DMD: variants seen among roughly 807,000 people sequenced by gnomAD.
The protein encoded by DMD is mutant dystrophin.
DMD carries 63 observed loss-of-function variants against 330.1 expected under a neutral mutation model. The ratio of observed to expected loss-of-function variants is 0.19; its 90% CI spans 0.16 to 0.24. The LOEUF (loss-of-function observed/expected upper bound fraction) is 0.24, where lower values mean the gene tolerates loss of function less well. DMD is among the 10% of genes least tolerant of loss of function. The pLI is 1.00. For synonymous variants in DMD, 1,223 were observed against 959.8 expected (o/e 1.27, Z -5.07); for missense variants, 3,344 against 2,684.1 (o/e 1.25, Z -5.43).
intron 9 of DMD, among the ~76,000 whole-genome samples, chrX:32,686,433 C>T (rs1015656728): frequency 4.6e-5 from 5 of 108,762 alleles, no homozygotes; most frequent in Non-Finnish European, 9.5e-5. Flanking sequence ...GTGGCAGGCA[C>T]CTGTAATACC....
intron 2 of DMD, among the ~76,000 whole-genome samples, chrX:32,922,590 C>T (rs2088536825): frequency 8.9e-6 from 1 of 112,083 alleles, no homozygotes; most frequent in Non-Finnish European, 1.9e-5. Context: ...AACCTAGATC[C>T]CTCGCATGCG....
At chrX:32,577,574 G>A (rs916734516) in intron 13 of DMD, among the ~76,000 whole-genome samples, 6 of 112,091 alleles carry the variant, frequency 5.4e-5, no homozygotes, top group Non-Finnish European at 9.4e-5. Flanking sequence ...CTTGATCATG[G>A]TTCTTACATC....
chrX:31,999,938 C>T (rs1277669309), intron 44 of DMD, among the ~76,000 whole-genome samples: 1 of 112,207 alleles, frequency 8.9e-6, no homozygotes, highest in Non-Finnish European at 1.9e-5. Flanking sequence ...TTCCTATTAG[C>T]TGCAAATTCT....
At chrX:32,204,959 T>A (rs764001533) in intron 44 of DMD, among the ~76,000 whole-genome samples, 1 of 84,958 alleles carries the variant, frequency 1.2e-5, no homozygotes, top group East Asian at 3.7e-4. Context: ...GATTCGGAGG[T>A]GATAAACATC....
At chrX:31,434,877 A>G (rs1030939049) in intron 60 of DMD, among the ~76,000 whole-genome samples, 4 of 112,017 alleles carry the variant, frequency 3.6e-5, no homozygotes, top group African/African-American at 1.3e-4. Flanking sequence ...TCAACTCATG[A>G]TCCAGGTGAT....
chrX:32,501,665 T>C lies in DMD; in HGVS notation c.2380+90A>G. ...TTAATTTAAATTTGTATTTAACAAGTGCTTGTCTGATATAATTCAGCTGAT... is the reference window on the plus strand; with the variant it reads ...TTAATTTAAATTTGTATTTAACAAGCGCTTGTCTGATATAATTCAGCTGAT... On this transcript the variant is annotated intron_variant, in intron 19 of 78. Transcript: ENST00000357033. 4.6e-6 allele frequency: 3 copies of C among 655,120 alleles called. No homozygotes were observed. The South Asian group carries it at 7.2e-5, about 16-fold the overall frequency. 54.0% of individuals were successfully genotyped at this position (655,120 alleles called of 1,213,427 possible).
intron 7 of DMD, among the ~76,000 whole-genome samples, chrX:32,807,744 CT>C (rs1190450864): frequency 1.8e-5 from 2 of 110,948 alleles, no homozygotes; most frequent in Non-Finnish European, 3.8e-5. Flanking sequence ...TACCTATTTT[CT>C]GATTATGATG....
Position 33,073,408 on chromosome X carries a change from G to A in DMD, c.32-53208C>T, listed in dbSNP as rs188350691. Among the ~76,000 whole-genome samples, 27 of 111,961 alleles carry A rather than the reference G, an allele frequency of 2.4e-4. No homozygotes were observed. The Admixed American group carries it at 2.5e-3, about 10-fold the overall frequency. ...AAAATTTCTCCACTTTGTATGTAAG[G>A]AGAATGAGTCACAAAAATGTTAAGC... On this transcript the variant is annotated intron_variant, in intron 1 of 78. Coordinates refer to ENST00000357033, the MANE Select transcript of DMD (RefSeq NM_004006.3).
intron 63 of DMD, among the ~76,000 whole-genome samples, chrX:31,225,331 T>C (rs974492518): frequency 7.1e-5 from 8 of 112,504 alleles, no homozygotes; most frequent in African/African-American, 2.6e-4. Flanking sequence ...TTCAGTTATA[T>C]TTAGCTCTTA....
At chrX:31,805,273 G>A (rs1022498906) in intron 50 of DMD, among the ~76,000 whole-genome samples, 6 of 111,532 alleles carry the variant, frequency 5.4e-5, no homozygotes, top group African/African-American at 2.0e-4. Context: ...CAGTTGAAGT[G>A]GCATTATCAT....
At position 32,431,382 on chromosome X, in the gene DMD, C is replaced by A. The variant is rs201914703; in HGVS notation, c.4071+6859G>T. On this transcript the variant is annotated intron_variant, in intron 29 of 78. Coordinates refer to ENST00000357033, the MANE Select transcript of DMD (RefSeq NM_004006.3). ...ATGTAGGTCTTCATTGAAGAAATGC[C>A]TTTTGAGCTCAACTGCTCATTTTTA... 6.3e-5 allele frequency among the ~76,000 whole-genome samples: 7 copies of A among 111,222 alleles called. No homozygotes were observed. In the East Asian group the frequency reaches 1.4e-3, roughly 23 times the overall value.
At chrX:32,290,344 G>A (rs1018024532) in intron 42 of DMD, among the ~76,000 whole-genome samples, 5 of 111,718 alleles carry the variant, frequency 4.5e-5, no homozygotes, top group African/African-American at 1.6e-4. Flanking sequence ...CAAGTAGCCG[G>A]TATATACCAC....
intron 7 of DMD, among the ~76,000 whole-genome samples, chrX:32,796,956 T>C (rs1021337627): frequency 1.8e-5 from 2 of 112,260 alleles, no homozygotes; most frequent in Admixed American, 9.5e-5. Flanking sequence ...AAATAGTATA[T>C]TTTCATCTTA....
chrX:32,876,918 T>C (rs1329115688), intron 2 of DMD, among the ~76,000 whole-genome samples: 1 of 112,235 alleles, frequency 8.9e-6, no homozygotes, highest in Non-Finnish European at 1.9e-5. Context: ...TCTAGGTACA[T>C]TTAAACTTTA....
At chrX:33,241,875 C>T (rs1004316302) in intron 1 of DMD, among the ~76,000 whole-genome samples, 9 of 110,669 alleles carry the variant, frequency 8.1e-5, no homozygotes, top group African/African-American at 3.0e-4. Context: ...GATTCTCATG[C>T]CTCGGCCACC....
At position 31,445,591 on chromosome X, in the gene DMD, A is replaced by G. The variant is rs142326049; in HGVS notation, c.8938-964T>C. Among the ~76,000 whole-genome samples, 588 of 111,842 alleles carry G rather than the reference A, an allele frequency of 5.3e-3. 5 individuals are homozygous for G. Among genetic ancestry groups the G allele is most frequent in the African/African-American group, 0.018 (540 of 30,757 alleles). ...ATGCATACTTTGCACCAACCACATC[A>G]TAACAGTTTCATTTAGGGAGTAGGG... On this transcript the variant is annotated intron_variant, in intron 59 of 78. Transcript: ENST00000357033.
intron 30 of DMD, among the ~76,000 whole-genome samples, chrX:32,396,289 G>A (rs1569560972): frequency 9.0e-6 from 1 of 110,917 alleles, no homozygotes; most frequent in Non-Finnish European, 1.9e-5. Context: ...GAGCTTCTGT[G>A]TTTTTAGAAA....
chrX:31,281,518 A>G (rs2052607755), intron 62 of DMD, among the ~76,000 whole-genome samples: 1 of 111,144 alleles, frequency 9.0e-6, no homozygotes, highest in African/African-American at 3.3e-5. Context: ...ATCAACATCA[A>G]ACTTATTGGT....
intron 44 of DMD, among the ~76,000 whole-genome samples, chrX:32,127,066 A>G (rs2096665058): frequency 9.0e-6 from 1 of 111,658 alleles, no homozygotes; most frequent in Admixed American, 9.6e-5. Context: ...TGAGAAATAC[A>G]GAACTCTCAG....
Sources: allele counts gnomAD v4.1 joint callset (sites outside exome capture counted in the v4.1 genomes callset), GRCh38; gene constraint gnomAD v4.1.1; transcripts MANE v1.5; gene names NCBI Gene and HGNC (gene_info 2026-07-23, HGNC 2026-07-21).